Variants in GAS2L3 observed in about 807,000 individuals in gnomAD.
GAS2L3 encodes GAS2-like protein 3.
GAS2L3 carries 28 observed loss-of-function variants against 37.0 expected under a neutral mutation model. That is an observed-to-expected ratio of 0.76 (90% CI 0.56 to 1.04). The LOEUF is 1.04. GAS2L3 is among the 50% of genes least tolerant of loss of function. GAS2L3 has a pLI of 0.00. For missense variants in GAS2L3, 793 were observed against 817.6 expected (o/e 0.97, Z 0.37); for synonymous variants, 290 against 296.6 (o/e 0.98, Z 0.23).
intron 1 of GAS2L3, among the ~76,000 whole-genome samples, chr12:100,580,654 C>A (rs996382837): frequency 7.2e-5 from 11 of 152,136 alleles, no homozygotes; most frequent in African/African-American, 2.4e-4. Context: ...TGTTTATATA[C>A]ATTTATTAGA....
chr12:100,626,381 T>C lies in GAS2L3; in HGVS notation c.*1491T>C, dbSNP rs946478176. On this transcript the variant is annotated 3_prime_UTR_variant, in exon 10 of 10. Coordinates refer to ENST00000547754, the MANE Select transcript of GAS2L3 (RefSeq NM_174942.3). ...GATAAAATCAAAGATGTGTGCAAGC[T>C]AGTTTTTGGAAGAAGTGATGCTTCT... is the stretch of plus-strand genomic sequence containing the variant. The C allele has an allele frequency of 6.6e-6, 1 of 152,228 alleles. No homozygotes were observed. Among genetic ancestry groups the C allele is most frequent in the Admixed American group, 6.5e-5 (1 of 15,282 alleles). 9.4% of individuals were successfully genotyped at this position (152,228 alleles called of 1,614,324 possible).
At chr12:100,590,155 A>G (rs1485125000) in intron 1 of GAS2L3, among the ~76,000 whole-genome samples, 2 of 152,208 alleles carry the variant, frequency 1.3e-5, no homozygotes, top group African/African-American at 4.8e-5. Context: ...GAAAATTTTC[A>G]TAAGCTATAC....
At chr12:100,604,846 A>C (rs1415041764) in intron 5 of GAS2L3, among the ~76,000 whole-genome samples, 2 of 152,064 alleles carry the variant, frequency 1.3e-5, no homozygotes, top group African/African-American at 2.4e-5. Flanking sequence ...ACATTAGTTG[A>C]AATGATATAT....
At chr12:100,617,637 C>A in intron 6 of GAS2L3, 107 bp from the exon 7 acceptor site, 2 of 697,606 alleles carry the variant, frequency 2.9e-6, no homozygotes, top group South Asian at 1.8e-5. Context: ...AACAAGTAAA[C>A]CTGCTGTCTT....
At chr12:100,618,362 T>C in intron 7 of GAS2L3, 87 bp from the exon 8 acceptor site, 1 of 1,363,858 alleles carries the variant, frequency 7.3e-7, no homozygotes, top group African/African-American at 1.5e-5. Context: ...ATATAGACTT[T>C]ACTTCAGAAA....
chr12:100,590,714 A>C (rs1593166360), intron 1 of GAS2L3, among the ~76,000 whole-genome samples: 1 of 152,092 alleles, frequency 6.6e-6, no homozygotes, highest in Non-Finnish European at 1.5e-5. Context: ...ACTCCCCCCC[A>C]CCATATAGAT....
In GAS2L3 at chr12:100,611,989, G is replaced by C. The variant is rs775019413; in HGVS notation, c.304-11G>C. On this transcript the variant is annotated splice_polypyrimidine_tract_variant and intron_variant, in intron 5 of 9. Transcript: ENST00000547754. ...GATACATTTTTGAAATTATTCTTTTGTCTTTTCCAGAATTTTCCAATGAGA... is the reference window on the plus strand; with the variant it reads ...GATACATTTTTGAAATTATTCTTTTCTCTTTTCCAGAATTTTCCAATGAGA... 2 of 1,571,006 alleles carry C rather than the reference G, an allele frequency of 1.3e-6. No homozygotes were observed. The highest frequency in any genetic ancestry group is 1.7e-5 in the Admixed American group (1 of 57,996).
intron 1 of GAS2L3, among the ~76,000 whole-genome samples, chr12:100,577,578 T>G (rs1955653232): frequency 6.6e-6 from 1 of 152,204 alleles, no homozygotes; most frequent in South Asian, 2.1e-4. Context: ...CTCTTAAAAA[T>G]CTTTATCTGT....
At chr12:100,604,471 G>GT (rs1198803680) in intron 5 of GAS2L3, among the ~76,000 whole-genome samples, 2 of 99,184 alleles carry the variant, frequency 2.0e-5, no homozygotes, top group African/African-American at 4.0e-5. Flanking sequence ...ATCAGCTGTA[G>GT]TTGTTTTTTT....
rs1272791520 is a variant in GAS2L3, at chr12:100,626,057, G to A, written c.*1167G>A. 1 of 152,106 alleles carries A rather than the reference G, an allele frequency of 6.6e-6. No homozygotes were observed. The highest frequency in any genetic ancestry group is 6.6e-5 in the Admixed American group (1 of 15,262). The allele number at this position is 152,106 out of a possible 1,614,324, so 9.4% of individuals were successfully genotyped here. ...TGCATAAACTCCATCAACCTAAGGT[G>A]ATACTTGTAAATAATTTATTTTTAA... On this transcript the variant is annotated 3_prime_UTR_variant, in exon 10 of 10. Coordinates refer to ENST00000547754, the MANE Select transcript of GAS2L3 (RefSeq NM_174942.3).
chr12:100,581,851 A>G (rs1459337149), intron 1 of GAS2L3, among the ~76,000 whole-genome samples: 1 of 152,258 alleles, frequency 6.6e-6, no homozygotes, highest in Non-Finnish European at 1.5e-5. Context: ...ATTTTTAAAA[A>G]TTGTCATTTA....
At position 100,601,749 on chromosome 12, in the gene GAS2L3, C is replaced by A; in HGVS notation, c.299C>A (p.Ser100Ter). 6.6e-7 allele frequency: 1 copy of A among 1,523,186 alleles called. No homozygotes were observed. The highest frequency in any genetic ancestry group is 9.1e-7 in the Non-Finnish European group (1 of 1,103,224). 94.4% of individuals were successfully genotyped at this position (1,523,186 alleles called of 1,614,324 possible). The change falls in exon 5 of 10, where the codon TCA (serine) becomes TAA (stop). Residue 100 changes from serine (S) to a stop codon, truncating the protein, a stop_gained. Transcript: ENST00000547754. LOFTEE classifies it high-confidence loss of function. ...GTGAAAACATGCAACTCTGAAGAAT[C>A]AGGGGTAAGTAAATGTTCGACAGTA... is the stretch of plus-strand genomic sequence containing the variant. ...NMVKTCNSEE[S>*]GNFPMRKVPC...
intron 1 of GAS2L3, among the ~76,000 whole-genome samples, chr12:100,585,866 A>G (rs1258967654): frequency 6.6e-6 from 1 of 151,916 alleles, no homozygotes. Flanking sequence ...CTACTCTCCC[A>G]TCTCATTTCT....
In GAS2L3 at chr12:100,624,020, A is replaced by G. The variant is rs1333457140; in HGVS notation, c.1215A>G (p.Ser405=). ...PQAPSNNASS[S]LASLNPVGKN... is the part of the protein sequence containing the mutation. Reference sequence around the variant, plus strand: ...CTCCTTCAAACAATGCATCATCTTCACTTGCTTCATTAAATCCAGTAGGTA... The same window carrying G: ...CTCCTTCAAACAATGCATCATCTTCGCTTGCTTCATTAAATCCAGTAGGTA... Residue 405 remains serine, a synonymous_variant, in exon 10 of 10, where the codon TCA becomes TCG. Coordinates refer to ENST00000547754, the MANE Select transcript of GAS2L3 (RefSeq NM_174942.3). 1 of 1,614,042 alleles carries G rather than the reference A, an allele frequency of 6.2e-7. No individual in the cohort carries two copies. The highest frequency in any genetic ancestry group is 8.5e-7 in the Non-Finnish European group (1 of 1,179,996).
chr12:100,625,221 G>T lies in GAS2L3; in HGVS notation c.*331G>T. 1.1e-5 allele frequency: 2 copies of T among 181,992 alleles called. No homozygotes were observed. Among genetic ancestry groups the T allele is most frequent in the Admixed American group, 5.4e-5 (1 of 18,498 alleles). 11.3% of individuals were successfully genotyped at this position (181,992 alleles called of 1,614,324 possible). A position where few individuals can be genotyped will look rare whatever the true frequency, so the allele number is the denominator to read the frequency against. On this transcript the variant is annotated 3_prime_UTR_variant, in exon 10 of 10. Transcript: ENST00000547754. ...CACTACAAGAATTTTAACAATAGTT[G>T]CTCTATTTTTGAATATGTATTAAAT...
chr12:100,579,627 A>C, intron 1 of GAS2L3: 1 of 776,506 alleles, frequency 1.3e-6, no homozygotes, highest in Non-Finnish European at 2.4e-6. Context: ...CAAGAATGTT[A>C]GAAATGTCTT....
intron 3 of GAS2L3, among the ~76,000 whole-genome samples, chr12:100,599,775 A>G (rs35685): frequency 0.28 from 42,121 of 152,132 alleles, 6,271 homozygotes; most frequent in African/African-American, 0.37. Context: ...TCTTACAGCT[A>G]GGATGTTAAG....
rs1464463468 is a variant in GAS2L3, at chr12:100,611,984, CTTT to C, written c.304-14_304-12del. The C allele has an allele frequency of 3.9e-6, 6 of 1,549,968 alleles. No homozygotes were observed. The highest frequency in any genetic ancestry group is 5.3e-6 in the Non-Finnish European group (6 of 1,127,932). ...TCCTTGATACATTTTTGAAATTATT[CTTT>C]TGTCTTTTCCAGAATTTTCCAATGA... On this transcript the variant is annotated splice_polypyrimidine_tract_variant and intron_variant, in intron 5 of 9. Coordinates refer to ENST00000547754, the MANE Select transcript of GAS2L3 (RefSeq NM_174942.3).
In GAS2L3 at chr12:100,624,745, G is replaced by A. The variant is rs777089210; in HGVS notation, c.1940G>A (p.Arg647Lys). ...CAGCATTCAACTAAAGGGCCTCCCA[G>A]AAGTGGCAAAACCCCAGCTTCAATC... ...KSQHSTKGPP[R>K]SGKTPASIRK... The change falls in exon 10 of 10, where the codon AGA (arginine) becomes AAA (lysine). Residue 647 changes from arginine to lysine, a missense_variant. Arg to Lys is a conservative substitution (Grantham distance 26). Transcript: ENST00000547754. The A allele has an allele frequency of 5.6e-6, 9 of 1,613,824 alleles. No homozygotes were observed. The East Asian group carries it at 1.8e-4, about 32-fold the overall frequency.
Sources: gnomAD v4.1 joint callset for allele counts (sites outside exome capture counted in the v4.1 genomes callset) on GRCh38, gnomAD v4.1.1 for gene constraint, MANE v1.5 for transcripts, NCBI Gene and HGNC (gene_info 2026-07-23, HGNC 2026-07-21) for gene names.